The following LNX2 variants were observed in gnomAD, a reference collection of about 807,000 sequenced individuals.
LNX2 encodes the protein ligand of Numb protein X 2.
In LNX2, 35 loss-of-function variants were observed where a neutral mutation model predicts 66.2. That is an observed-to-expected ratio of 0.53 (90% CI 0.40 to 0.70). LNX2 has a LOEUF of 0.70. LNX2 is among the 30% of genes least tolerant of loss of function. The probability of loss-of-function intolerance (pLI) is 0.00; values close to 1 mark genes in which losing one functional copy is unlikely to be tolerated. For synonymous variants in LNX2, 337 were observed against 315.6 expected, an observed-to-expected ratio of 1.07 and a Z score of -0.72; for missense variants, 791 against 850.8, an observed-to-expected ratio of 0.93 and a Z score of 0.87.
chr13:27,574,817 G>C (rs1320780373), intron 2 of LNX2, among the ~76,000 whole-genome samples: 1 of 152,100 alleles, frequency 6.6e-6, no homozygotes, highest in Non-Finnish European at 1.5e-5. Context: ...AGTAAGAGAG[G>C]AACAGCTCAT....
chr13:27,581,732 T>C lies in LNX2; in HGVS notation c.-29A>G. The C allele has an allele frequency of 1.3e-6, 2 of 1,548,654 alleles. No homozygotes were observed. The highest frequency in any genetic ancestry group is 1.7e-6 in the Non-Finnish European group (2 of 1,146,706). On this transcript the variant is annotated 5_prime_UTR_variant, in exon 2 of 10. Transcript: ENST00000316334. ...GAATCAATTCTGTATCCTCATGTGT[T>C]AGACTTCCACTTCACGCTTGGTTTC...
rs1158478382 is a variant in LNX2 at position 27,553,581 on chromosome 13, T to C, written c.1547-142A>G. 1.7e-5 allele frequency: 10 copies of C among 603,960 alleles called. No homozygotes were observed. In the African/African-American group the frequency reaches 1.7e-4, roughly 10 times the overall value. 37.4% of individuals were successfully genotyped at this position (603,960 alleles called of 1,614,324 possible). A position where few individuals can be genotyped will look rare whatever the true frequency, so the allele number is the denominator to read the frequency against. On this transcript the variant is annotated intron_variant, in intron 7 of 9. Coordinates refer to ENST00000316334, the MANE Select transcript of LNX2 (RefSeq NM_153371.4). ...TATAATAATAAATGGCATTTATTAT[T>C]TCTTTGTAATTTTTATAATATTGAG...
In LNX2 at chr13:27,562,699, G is replaced by GT; in HGVS notation, c.937dup (p.Thr313AsnfsTer17). 1 of 1,614,190 alleles carries GT rather than the reference G, an allele frequency of 6.2e-7. No homozygotes were observed. The highest frequency in any genetic ancestry group is 8.5e-7 in the Non-Finnish European group (1 of 1,180,008). On this transcript the variant is annotated frameshift_variant, in exon 5 of 10. Transcript: ENST00000316334. LOFTEE classifies it high-confidence loss of function. The stretch of plus-strand genomic sequence containing the variant: ...GCCAAAGCGCCTCTCTCGAAGCACA[G>GT]TAAGATGCAGTGTGTTGCAGGGCTG...
At position 27,581,280 on chromosome 13, in the gene LNX2, T is replaced by C. The variant is rs1955393796; in HGVS notation, c.407+17A>G. ...TTTCCAAAATCTGGAGTTACTTCTT[T>C]TATATTTTTTGCTTACCTGTTTTTG... On this transcript the variant is annotated intron_variant, in intron 2 of 9. Coordinates refer to ENST00000316334, the MANE Select transcript of LNX2 (RefSeq NM_153371.4). 12 of 1,463,396 alleles carry C rather than the reference T, an allele frequency of 8.2e-6. No individual in the cohort carries two copies. In the East Asian group the frequency reaches 2.8e-4, roughly 34 times the overall value. 90.7% of individuals were successfully genotyped at this position (1,463,396 alleles called of 1,614,324 possible).
intron 1 of LNX2, among the ~76,000 whole-genome samples, chr13:27,619,628 T>C (rs917100664): frequency 3.9e-5 from 6 of 152,236 alleles, no homozygotes; most frequent in African/African-American, 9.6e-5. Flanking sequence ...CATGCATAAG[T>C]GTACTTTAGC....
chr13:27,586,087 T>C (rs1955483418), intron 1 of LNX2, among the ~76,000 whole-genome samples: 1 of 144,122 alleles, frequency 6.9e-6, no homozygotes. Context: ...TATCTATATC[T>C]ATATAATATC....
intron 1 of LNX2, among the ~76,000 whole-genome samples, chr13:27,592,900 A>T (rs1955558975): frequency 6.6e-6 from 1 of 152,258 alleles, no homozygotes; most frequent in African/African-American, 2.4e-5. Flanking sequence ...GCATGAATTC[A>T]TTGGTGACCT....
chr13:27,620,771 C>G (rs1009538234), upstream of LNX2: 1 of 153,372 alleles, frequency 6.5e-6, no homozygotes, highest in South Asian at 1.9e-4. Flanking sequence ...GCCTCCCCCA[C>G]TCGCCCCGGG....
intron 7 of LNX2, among the ~76,000 whole-genome samples, chr13:27,554,668 C>G (rs1445987691): frequency 1.3e-5 from 2 of 152,132 alleles, no homozygotes; most frequent in East Asian, 3.8e-4. Context: ...CACTTTCTGG[C>G]TATTGTGAAT....
At chr13:27,587,974 T>A (rs2138417664) in intron 1 of LNX2, among the ~76,000 whole-genome samples, 1 of 132,920 alleles carries the variant, frequency 7.5e-6, no homozygotes, top group South Asian at 2.3e-4. Flanking sequence ...TAAGCCGAGA[T>A]GGCGCCACTT....
intron 7 of LNX2, among the ~76,000 whole-genome samples, chr13:27,554,013 CTAAG>C (rs1481780548): frequency 6.6e-6 from 1 of 151,996 alleles, no homozygotes; most frequent in African/African-American, 2.4e-5. Context: ...TGTTGCTCTG[CTAAG>C]TAATATAATA....
At chr13:27,568,891 T>A in intron 3 of LNX2, 138 bp downstream of exon 3, 1 of 883,592 alleles carries the variant, frequency 1.1e-6, no homozygotes, top group Non-Finnish European at 1.6e-6. Flanking sequence ...ATAAATTATA[T>A]CTCAATGAAG....
chr13:27,578,878 G>A (rs367729296), intron 2 of LNX2, among the ~76,000 whole-genome samples: 44 of 152,306 alleles, frequency 2.9e-4, no homozygotes, highest in African/African-American at 1.0e-3. Context: ...CATCCTGTCT[G>A]CATCCTGACT....
At chr13:27,610,123 G>T (rs1955757806) in intron 1 of LNX2, among the ~76,000 whole-genome samples, 1 of 152,158 alleles carries the variant, frequency 6.6e-6, no homozygotes, top group Admixed American at 6.5e-5. Flanking sequence ...GTCTTAAAAG[G>T]TCATGCACTG....
chr13:27,585,534 C>T (rs1943857724), intron 1 of LNX2, among the ~76,000 whole-genome samples: 1 of 152,076 alleles, frequency 6.6e-6, no homozygotes, highest in African/African-American at 2.4e-5. Context: ...GCAAACATTT[C>T]TCGCATTTTA....
At chr13:27,620,128 G>A (rs1955879846) in intron 1 of LNX2, among the ~76,000 whole-genome samples, 1 of 151,588 alleles carries the variant, frequency 6.6e-6, no homozygotes, top group Non-Finnish European at 1.5e-5. Context: ...GCGCCTGCAG[G>A]CGGCGGGCAC....
intron 2 of LNX2, among the ~76,000 whole-genome samples, chr13:27,577,714 A>C (rs1408526463): frequency 6.6e-6 from 1 of 152,194 alleles, no homozygotes; most frequent in East Asian, 1.9e-4. Flanking sequence ...ATGGCATTAA[A>C]CTGTAATTTT....
chr13:27,617,266 CT>C lies in LNX2; in HGVS notation c.-101+3108del, dbSNP rs1382516564. ...ATTTAGGTAGGCCTGCCCCAGTCTTCTAATTCTACATGCAAGATACATATGT... is the reference window on the plus strand; with the variant it reads ...ATTTAGGTAGGCCTGCCCCAGTCTTCAATTCTACATGCAAGATACATATGT... On this transcript the variant is annotated intron_variant, in intron 1 of 9. Coordinates refer to ENST00000316334, the MANE Select transcript of LNX2 (RefSeq NM_153371.4). Among the ~76,000 whole-genome samples the C allele has an allele frequency of 4.6e-5, 7 of 152,210 alleles. No individual in the cohort carries two copies. In the East Asian group the frequency reaches 1.3e-3, roughly 29 times the overall value.
intron 4 of LNX2, among the ~76,000 whole-genome samples, chr13:27,565,202 T>C (rs1955189726): frequency 2.0e-5 from 3 of 152,202 alleles, no homozygotes; most frequent in Admixed American, 2.0e-4. Context: ...AAAGATTCAG[T>C]AGTGTTAATG....
Sources: gnomAD v4.1 joint callset for allele counts (sites outside exome capture counted in the v4.1 genomes callset) on GRCh38, gnomAD v4.1.1 for gene constraint, MANE v1.5 for transcripts, NCBI Gene and HGNC (gene_info 2026-07-23, HGNC 2026-07-21) for gene names.